KIF26B: variants seen among roughly 807,000 people sequenced by gnomAD.
The protein encoded by KIF26B is kinesin family member 26B.
A neutral mutation model predicts 151.2 loss-of-function variants in KIF26B; 63 were observed. That is an observed-to-expected ratio of 0.42 (90% CI 0.34 to 0.51). The LOEUF is 0.51. Ranked by LOEUF, KIF26B falls within the 20% of genes least tolerant of loss-of-function variation. The probability of loss-of-function intolerance (pLI) is 0.07; values close to 1 mark genes in which losing one functional copy is unlikely to be tolerated. For synonymous variants in KIF26B, 1,357 were observed against 1,262.1 expected (o/e 1.08, Z -1.59); for missense variants, 2,813 against 2,913.6 (o/e 0.97, Z 0.79).
At chr1:245,542,325 C>A (rs1661642612) in intron 5 of KIF26B, among the ~76,000 whole-genome samples, 1 of 152,260 alleles carries the variant, frequency 6.6e-6, no homozygotes, top group African/African-American at 2.4e-5. Flanking sequence ...TGCACTCTAG[C>A]CTGGGCCACA....
At chr1:245,684,451 C>G in intron 11 of KIF26B, 56 bp downstream of exon 11, 2 of 1,494,212 alleles carry the variant, frequency 1.3e-6, no homozygotes, top group Non-Finnish European at 1.8e-6. Context: ...GGAGCCGTGC[C>G]CTGGAACAGA....
intron 4 of KIF26B, among the ~76,000 whole-genome samples, chr1:245,439,084 A>T (rs1436060480): frequency 6.6e-6 from 1 of 152,224 alleles, no homozygotes; most frequent in Non-Finnish European, 1.5e-5. Context: ...ATGGTGGCTC[A>T]CACCTGTAAT....
intron 2 of KIF26B, among the ~76,000 whole-genome samples, chr1:245,284,983 G>GA (rs1233979303): frequency 1.3e-5 from 2 of 152,246 alleles, no homozygotes; most frequent in African/African-American, 2.4e-5. Context: ...AGGTTGCGGT[G>GA]AGCAGAGATC....
Position 245,687,235 on chromosome 1 carries a change from C to G in KIF26B, c.4252C>G (p.Pro1418Ala). The G allele has an allele frequency of 6.2e-7, 1 of 1,612,784 alleles. No homozygotes were observed. Among genetic ancestry groups the G allele is most frequent in the Non-Finnish European group, 8.5e-7 (1 of 1,179,642 alleles). ...EAPTATPKAG[P>A]TLAQSRESKE... ...CCCCACCGCCACCCCCAAAGCAGGCCCCACATTAGCCCAGTCCCGGGAGAG... is the reference window on the plus strand; with the variant it reads ...CCCCACCGCCACCCCCAAAGCAGGCGCCACATTAGCCCAGTCCCGGGAGAG... Residue 1418 changes from proline (P) to alanine (A), a missense_variant, in exon 12 of 15, where the codon CCC (proline) becomes GCC (alanine). By Grantham distance (27) the Pro-to-Ala change is conservative. Coordinates refer to ENST00000407071, the MANE Select transcript of KIF26B (RefSeq NM_018012.4). The surrounding 1 kb of genome is among the most constrained non-coding windows in gnomAD (Gnocchi z 4.9).
At position 245,464,800 on chromosome 1, in the gene KIF26B, A is replaced by G. The variant is rs567316298; in HGVS notation, c.1166+45055A>G. The stretch of plus-strand genomic sequence containing the variant: ...AGTTGTGTCGTGGAGGGACACTGAC[A>G]TGAAATCTGGCAAGTCATGTCCAAA... On this transcript the variant is annotated intron_variant, in intron 4 of 14. Transcript: ENST00000407071. Among the ~76,000 whole-genome samples the G allele has an allele frequency of 4.3e-3, 650 of 151,916 alleles. 5 individuals are homozygous for G. The highest frequency in any genetic ancestry group is 0.015 in the African/African-American group (619 of 41,400).
chr1:245,261,991 C>T (rs1670653516), intron 2 of KIF26B, among the ~76,000 whole-genome samples: 1 of 152,196 alleles, frequency 6.6e-6, no homozygotes, highest in African/African-American at 2.4e-5. Context: ...AGCAGTTTGC[C>T]TCATGCTCCT....
chr1:245,656,758 C>A (rs1465556214), intron 10 of KIF26B, among the ~76,000 whole-genome samples: 1 of 151,342 alleles, frequency 6.6e-6, no homozygotes, highest in African/African-American at 2.4e-5. Flanking sequence ...AAATTCTCAC[C>A]TGTTTCACAA....
rs780154694 is a variant in KIF26B at position 245,227,437 on chromosome 1, C to G, written c.465+70754C>G. On this transcript the variant is annotated intron_variant, in intron 2 of 14. Transcript: ENST00000407071. The surrounding 1 kb of genome is among the most constrained non-coding windows in gnomAD (Gnocchi z 4.1). Reference sequence around the variant, plus strand: ...GGCCTAAGGCTGCGGCCTCCGTCCTCTTCGCCATCATTGGCCTCTCTTGTT... The same window carrying G: ...GGCCTAAGGCTGCGGCCTCCGTCCTGTTCGCCATCATTGGCCTCTCTTGTT... Among the ~76,000 whole-genome samples, 2 of 152,226 alleles carry G rather than the reference C, an allele frequency of 1.3e-5. No individual in the cohort carries two copies. Among genetic ancestry groups the G allele is most frequent in the Non-Finnish European group, 2.9e-5 (2 of 68,034 alleles).
chr1:245,303,913 A>G (rs1671488712), intron 2 of KIF26B, among the ~76,000 whole-genome samples: 1 of 152,212 alleles, frequency 6.6e-6, no homozygotes, highest in South Asian at 2.1e-4. Context: ...GACTGTGAAG[A>G]CACTCAGTAC....
intron 5 of KIF26B, among the ~76,000 whole-genome samples, chr1:245,584,617 T>C (rs548565979): frequency 1.3e-5 from 2 of 152,290 alleles, no homozygotes; most frequent in East Asian, 3.9e-4. Flanking sequence ...TTTGGTACGA[T>C]TCCAATGAAT....
Position 245,444,364 on chromosome 1 carries a change from A to G in KIF26B, c.1166+24619A>G. Reference sequence around the variant, plus strand: ...TTTGAGAAAGAGGCTGACTGTTAGAAGCAGAAGCCCTTGAAGGAGCACACA... The same window carrying G: ...TTTGAGAAAGAGGCTGACTGTTAGAGGCAGAAGCCCTTGAAGGAGCACACA... On this transcript the variant is annotated intron_variant, in intron 4 of 14. Transcript: ENST00000407071. 1.3e-5 allele frequency among the ~76,000 whole-genome samples: 2 copies of G among 152,236 alleles called. 1 individual carries two copies. Among genetic ancestry groups the G allele is most frequent in the Non-Finnish European group, 2.9e-5 (2 of 68,040 alleles).
At chr1:245,596,908 A>T (rs1460330979) in intron 5 of KIF26B, among the ~76,000 whole-genome samples, 2 of 151,592 alleles carry the variant, frequency 1.3e-5, no homozygotes, top group Non-Finnish European at 2.9e-5. Context: ...GTCTTTTTTT[A>T]ATCTTTGTTG....
At chr1:245,155,908 C>A (rs80099465) in intron 1 of KIF26B, among the ~76,000 whole-genome samples, 4,573 of 152,244 alleles carry the variant, frequency 0.03, 89 homozygotes, top group Admixed American at 0.066. Context: ...CCCTACCCCC[C>A]CCATAGGGTC....
At chr1:245,320,971 C>A (rs1671876494) in intron 2 of KIF26B, among the ~76,000 whole-genome samples, 1 of 152,252 alleles carries the variant, frequency 6.6e-6, no homozygotes, top group African/African-American at 2.4e-5. Flanking sequence ...AGCCACCGTA[C>A]CTGGCCTGTG....
Position 245,540,625 on chromosome 1 carries a change from C to G in KIF26B, c.1167-142C>G. ...TTCACTCTGTTATAGTAAGGGACTG[C>G]TACAGAGGACACTGAGCAGGAGGAG... On this transcript the variant is annotated intron_variant, in intron 4 of 14. Coordinates refer to ENST00000407071, the MANE Select transcript of KIF26B (RefSeq NM_018012.4). The surrounding 1 kb of genome is among the most constrained non-coding windows in gnomAD (Gnocchi z 4.6). The G allele has an allele frequency of 1.2e-6, 1 of 800,356 alleles. No individual in the cohort carries two copies. Among genetic ancestry groups the G allele is most frequent in the Non-Finnish European group, 2.3e-6 (1 of 442,288 alleles). The allele number at this position is 800,356 out of a possible 1,614,324, so 49.6% of individuals were successfully genotyped here.
rs1372296871 is a variant in KIF26B, at chr1:245,602,788, G to A, written c.1557+5G>A. ...TTTCCACAAGACGCTTCTCAGGTGG[G>A]TATCAGCCCCCTCTCAGGCTCAGGC... On this transcript the variant is annotated splice_donor_5th_base_variant and intron_variant, in intron 6 of 14. Transcript: ENST00000407071. The surrounding 1 kb of genome is among the most constrained non-coding windows in gnomAD (Gnocchi z 4.5). 1.9e-6 allele frequency: 3 copies of A among 1,612,460 alleles called. No homozygotes were observed. The highest frequency in any genetic ancestry group is 1.9e-4 in the Middle Eastern group (1 of 5,238).
At chr1:245,202,307 G>A (rs1669313705) in intron 2 of KIF26B, among the ~76,000 whole-genome samples, 1 of 152,174 alleles carries the variant, frequency 6.6e-6, no homozygotes, top group African/African-American at 2.4e-5. Flanking sequence ...AGAAAATGAT[G>A]AGAAATTCTT....
intron 5 of KIF26B, among the ~76,000 whole-genome samples, chr1:245,600,916 T>C (rs2043389263): frequency 6.6e-6 from 1 of 152,132 alleles, no homozygotes. Flanking sequence ...GGAAAAAGTG[T>C]AGGCATTGGA....
At chr1:245,481,601 A>C (rs1167548225) in intron 4 of KIF26B, among the ~76,000 whole-genome samples, 1 of 151,842 alleles carries the variant, frequency 6.6e-6, no homozygotes, top group Non-Finnish European at 1.5e-5. Context: ...CGTGAAGCTA[A>C]TATTTGAGAA....
Sources: gnomAD v4.1 joint callset for allele counts (sites outside exome capture counted in the v4.1 genomes callset) on GRCh38, gnomAD v4.1.1 for gene constraint, Gnocchi (gnomAD v3.1) non-coding constraint, MANE v1.5 for transcripts, NCBI Gene and HGNC (gene_info 2026-07-23, HGNC 2026-07-21) for gene names.